Variants in SPAG16 observed in about 807,000 individuals in gnomAD.
The protein encoded by SPAG16 is sperm-associated antigen 16 protein.
SPAG16 carries 86 observed loss-of-function variants against 80.4 expected under a neutral mutation model. That is an observed-to-expected ratio of 1.07 (90% CI 0.90 to 1.28). The LOEUF (loss-of-function observed/expected upper bound fraction) is 1.28. Among genes scored for constraint, SPAG16 ranks in the 50% most tolerant of loss-of-function variants. The pLI, the probability that SPAG16 is intolerant of heterozygous loss-of-function variation, is 0.00. For missense variants in SPAG16, 870 were observed against 765.3 expected (o/e 1.14, Z -1.61); for synonymous variants, 294 against 265.9 (o/e 1.11, Z -1.03).
intron 10 of SPAG16, among the ~76,000 whole-genome samples, chr2:213,534,000 CG>C (rs1215181670): frequency 1.3e-5 from 2 of 151,882 alleles, no homozygotes; most frequent in Non-Finnish European, 2.9e-5. Flanking sequence ...TGCATATTTA[CG>C]TTATTTTTAT....
At chr2:213,856,466 C>G (rs1253733962) in intron 10 of SPAG16, among the ~76,000 whole-genome samples, 1 of 152,240 alleles carries the variant, frequency 6.6e-6, no homozygotes, top group Non-Finnish European at 1.5e-5. Context: ...CCAGTTGGGA[C>G]TGTTTGTGGG....
intron 10 of SPAG16, among the ~76,000 whole-genome samples, chr2:213,748,591 A>T (rs2125478839): frequency 6.6e-6 from 1 of 152,264 alleles, no homozygotes; most frequent in East Asian, 1.9e-4. Context: ...GTTTATTTTT[A>T]TGTATATCAT....
chr2:213,872,477 A>G (rs2075991309), intron 11 of SPAG16, among the ~76,000 whole-genome samples: 1 of 152,126 alleles, frequency 6.6e-6, no homozygotes, highest in South Asian at 2.1e-4. Flanking sequence ...ATTAATTTAA[A>G]AAATTTTAGT....
intron 10 of SPAG16, among the ~76,000 whole-genome samples, chr2:213,635,425 A>C (rs2062324607): frequency 6.6e-6 from 1 of 152,126 alleles, no homozygotes; most frequent in Admixed American, 6.6e-5. Flanking sequence ...CTCTAGGTAG[A>C]TACTCAGTAG....
At chr2:213,468,220 G>A (rs1411881338) in intron 9 of SPAG16, among the ~76,000 whole-genome samples, 2 of 151,866 alleles carry the variant, frequency 1.3e-5, no homozygotes, top group African/African-American at 4.8e-5. Context: ...GTCTATCATG[G>A]ATAGTTTGGA....
rs976367662 is a variant in SPAG16 at position 214,332,644 on chromosome 2, A to G, written c.1721-77496A>G. On this transcript the variant is annotated intron_variant, in intron 15 of 15. Transcript: ENST00000331683. ...TTTTTGGTGTTTTCAGTGCTACACCATAATGAATCAATATCTGTCTCATTT... is the reference window on the plus strand; with the variant it reads ...TTTTTGGTGTTTTCAGTGCTACACCGTAATGAATCAATATCTGTCTCATTT... Among the ~76,000 whole-genome samples the G allele has an allele frequency of 5.9e-5, 9 of 152,352 alleles. 1 individual carries two copies. Among genetic ancestry groups the G allele is most frequent in the Admixed American group, 1.3e-4 (2 of 15,310 alleles).
chr2:213,698,888 T>A (rs2125317747), intron 10 of SPAG16, among the ~76,000 whole-genome samples: 1 of 152,340 alleles, frequency 6.6e-6, no homozygotes, highest in Non-Finnish European at 1.5e-5. Context: ...TAAAACAGTA[T>A]AAACCCACTA....
At chr2:213,673,853 A>G (rs1477085906) in intron 10 of SPAG16, among the ~76,000 whole-genome samples, 1 of 152,178 alleles carries the variant, frequency 6.6e-6, no homozygotes, top group Non-Finnish European at 1.5e-5. Context: ...ACTTTAACGG[A>G]CATACTCATT....
intron 15 of SPAG16, among the ~76,000 whole-genome samples, chr2:214,287,725 T>C (rs1433123497): frequency 1.3e-5 from 2 of 152,232 alleles, no homozygotes; most frequent in Non-Finnish European, 2.9e-5. Context: ...ATTTGACTCA[T>C]GTACTTGAAA....
intron 10 of SPAG16, among the ~76,000 whole-genome samples, chr2:213,662,702 A>G (rs1048348846): frequency 6.6e-5 from 10 of 152,088 alleles, no homozygotes; most frequent in African/African-American, 1.9e-4. Context: ...TCTCTTTTCA[A>G]GAAGCTTATT....
intron 8 of SPAG16, among the ~76,000 whole-genome samples, chr2:213,370,680 A>G (rs2066582232): frequency 6.6e-6 from 1 of 152,204 alleles, no homozygotes; most frequent in African/African-American, 2.4e-5. Context: ...AATTTTATAT[A>G]TTTATCCTTG....
At chr2:213,640,052 G>A (rs1269628767) in intron 10 of SPAG16, among the ~76,000 whole-genome samples, 2 of 151,860 alleles carry the variant, frequency 1.3e-5, no homozygotes, top group African/African-American at 4.8e-5. Context: ...AGGGTATTTT[G>A]TATTTATCTA....
chr2:213,544,817 A>G (rs1442444787), intron 10 of SPAG16, among the ~76,000 whole-genome samples: 1 of 152,082 alleles, frequency 6.6e-6, no homozygotes, highest in African/African-American at 2.4e-5. Flanking sequence ...GGTAAAATAC[A>G]TTGAAGTTTT....
At chr2:213,657,966 A>AATCC (rs1329859784) in intron 10 of SPAG16, among the ~76,000 whole-genome samples, 2 of 152,168 alleles carry the variant, frequency 1.3e-5, no homozygotes, top group Non-Finnish European at 2.9e-5. Context: ...AACTACTCAG[A>AATCC]ATCCATTCTC....
chr2:213,444,647 C>A (rs1362393889), intron 9 of SPAG16, among the ~76,000 whole-genome samples: 2 of 151,734 alleles, frequency 1.3e-5, no homozygotes, highest in Non-Finnish European at 2.9e-5. Flanking sequence ...TTTTTTGTTC[C>A]CTCTTTTATT....
At chr2:213,546,906 A>G (rs368307546) in intron 10 of SPAG16, among the ~76,000 whole-genome samples, 37 of 152,266 alleles carry the variant, frequency 2.4e-4, no homozygotes, top group African/African-American at 8.7e-4. Context: ...GTGTTCTTAA[A>G]ATACCCTTTG....
chr2:213,664,534 C>T (rs997500092), intron 10 of SPAG16, among the ~76,000 whole-genome samples: 3 of 152,024 alleles, frequency 2.0e-5, no homozygotes, highest in African/African-American at 4.8e-5. Flanking sequence ...AAATGACAAG[C>T]TCTCTGAGTT....
intron 10 of SPAG16, among the ~76,000 whole-genome samples, chr2:213,732,042 T>G (rs1574971174): frequency 6.6e-6 from 1 of 152,156 alleles, no homozygotes; most frequent in African/African-American, 2.4e-5. Context: ...GTTTATATAG[T>G]TTTTGGTTTT....
At chr2:213,930,413 G>T (rs527768931) in intron 12 of SPAG16, among the ~76,000 whole-genome samples, 2 of 152,140 alleles carry the variant, frequency 1.3e-5, no homozygotes, top group East Asian at 3.9e-4. Flanking sequence ...TCATTGGAAA[G>T]CTGTTTGTTT....
Sources: gnomAD v4.1 joint callset for allele counts (sites outside exome capture counted in the v4.1 genomes callset) on GRCh38, gnomAD v4.1.1 for gene constraint, MANE v1.5 for transcripts, NCBI Gene and HGNC (gene_info 2026-07-23, HGNC 2026-07-21) for gene names.